Variants in ADAM10 observed in about 807,000 individuals in gnomAD.
The protein encoded by ADAM10 is ADAM metallopeptidase domain 10, also known as disintegrin and metalloproteinase domain-containing protein 10.
A neutral mutation model predicts 90.1 loss-of-function variants in ADAM10; 17 were observed. The observed-to-expected ratio is 0.19, with a 90% confidence interval of 0.13 to 0.28. The LOEUF (loss-of-function observed/expected upper bound fraction) is 0.28, where lower values mean the gene tolerates loss of function less well. Among genes scored for constraint, ADAM10 ranks in the 10% least tolerant of loss-of-function variants. The probability of loss-of-function intolerance (pLI) is 1.00; values close to 1 mark genes in which losing one functional copy is unlikely to be tolerated. For missense variants in ADAM10, 610 were observed against 914.3 expected, an observed-to-expected ratio of 0.67 and a Z score of 4.29; for synonymous variants, 310 against 298.6, an observed-to-expected ratio of 1.04 and a Z score of -0.40.
intron 1 of ADAM10, among the ~76,000 whole-genome samples, chr15:58,734,219 G>A (rs1346797540): frequency 2.6e-5 from 4 of 152,088 alleles, no homozygotes; most frequent in African/African-American, 7.2e-5. Context: ...TGGATGTCAT[G>A]ATAATTAAAA....
Position 58,749,500 on chromosome 15 carries a change from G to T in ADAM10, c.35C>A (p.Ser12Tyr), listed in dbSNP as rs1288831395. The T allele has an allele frequency of 3.2e-6, 5 of 1,553,898 alleles. No individual in the cohort carries two copies. The highest frequency in any genetic ancestry group is 4.4e-6 in the Non-Finnish European group (5 of 1,148,688). Residue 12 changes from serine to tyrosine, a missense_variant, in exon 1 of 16, where the codon TCC (serine) becomes TAC (tyrosine). Coordinates refer to ENST00000260408, the MANE Select transcript of ADAM10 (RefSeq NM_001110.4). ...CTCACCTCCCATCCCCGCCGCCCAGGAGAGGAGCAGAATTAACACTCTCAG... is the reference window on the plus strand; with the variant it reads ...CTCACCTCCCATCCCCGCCGCCCAGTAGAGGAGCAGAATTAACACTCTCAG... ...VLLRVLILLL[S>Y]WAAGMGGQYG...
chr15:58,709,339 T>A (rs573711502), intron 2 of ADAM10, among the ~76,000 whole-genome samples: 1 of 152,306 alleles, frequency 6.6e-6, no homozygotes, highest in African/African-American at 2.4e-5. Context: ...TAGCATGAAA[T>A]ATAACATAAT....
intron 4 of ADAM10, chr15:58,672,863 TAAG>T (rs555789221): frequency 2.2e-3 from 219 of 99,594 alleles, no homozygotes; most frequent in Non-Finnish European, 3.9e-3. Flanking sequence ...AAGTTGAAAA[TAAG>T]AAGGAAAAGG....
chr15:58,715,778 G>A (rs1046655235), intron 2 of ADAM10, among the ~76,000 whole-genome samples: 4 of 152,144 alleles, frequency 2.6e-5, no homozygotes, highest in African/African-American at 7.2e-5. Flanking sequence ...AAAGGAGCTA[G>A]GGATTTAGTT....
At position 58,714,669 on chromosome 15, in the gene ADAM10, T is replaced by C. The variant is rs184572294; in HGVS notation, c.206+2908A>G. Among the ~76,000 whole-genome samples, 212 of 152,282 alleles carry C rather than the reference T, an allele frequency of 1.4e-3. 1 individual carries two copies. The highest frequency in any genetic ancestry group is 4.7e-3 in the African/African-American group (195 of 41,568). On this transcript the variant is annotated intron_variant, in intron 2 of 15. Coordinates refer to ENST00000260408, the MANE Select transcript of ADAM10 (RefSeq NM_001110.4). ...AGTCATTTCAAAGTTATATTTATTATGTGTTGAGCCAATCTACCTAAAAAT... is the reference window on the plus strand; with the variant it reads ...AGTCATTTCAAAGTTATATTTATTACGTGTTGAGCCAATCTACCTAAAAAT...
chr15:58,605,940 A>G (rs2069035103), intron 14 of ADAM10, among the ~76,000 whole-genome samples: 1 of 152,204 alleles, frequency 6.6e-6, no homozygotes, highest in South Asian at 2.1e-4. Context: ...TAACAAAATG[A>G]CAAAGCAAGT....
At chr15:58,631,498 C>G (rs1039602466) in intron 9 of ADAM10, among the ~76,000 whole-genome samples, 1 of 152,116 alleles carries the variant, frequency 6.6e-6, no homozygotes, top group Non-Finnish European at 1.5e-5. Flanking sequence ...CAGTGTGGTT[C>G]ACAGATGAGC....
intron 1 of ADAM10, chr15:58,749,153 C>G: frequency 2.5e-6 from 1 of 399,282 alleles, no homozygotes; most frequent in Non-Finnish European, 4.4e-6. Flanking sequence ...CAGCCACCAG[C>G]CTGGGTTCCA....
intron 2 of ADAM10, chr15:58,692,407 T>C: frequency 1.8e-6 from 1 of 564,732 alleles, no homozygotes; most frequent in Non-Finnish European, 3.6e-6. Flanking sequence ...CTTTGTTTTC[T>C]TCTTATTATT....
intron 8 of ADAM10, among the ~76,000 whole-genome samples, chr15:58,639,371 A>G (rs1377403602): frequency 6.6e-6 from 1 of 152,238 alleles, no homozygotes; most frequent in East Asian, 1.9e-4. Context: ...CAGCTACTGT[A>G]TTAATGGATA....
chr15:58,614,782 T>C (rs1344179682), intron 11 of ADAM10, among the ~76,000 whole-genome samples: 1 of 152,134 alleles, frequency 6.6e-6, no homozygotes, highest in East Asian at 1.9e-4. Flanking sequence ...ATAATCACCA[T>C]TGTGAAAACA....
chr15:58,649,908 A>G (rs1896644969), intron 5 of ADAM10, among the ~76,000 whole-genome samples: 1 of 152,112 alleles, frequency 6.6e-6, no homozygotes, highest in Non-Finnish European at 1.5e-5. Flanking sequence ...CAATTACATA[A>G]TACATATATC....
chr15:58,606,514 T>C (rs2140993817), intron 14 of ADAM10, among the ~76,000 whole-genome samples: 1 of 152,366 alleles, frequency 6.6e-6, no homozygotes, highest in African/African-American at 2.4e-5. Context: ...GTGTCCTCAC[T>C]ATATGCTGAA....
chr15:58,623,838 C>A (rs907764129), intron 10 of ADAM10, among the ~76,000 whole-genome samples: 3 of 152,018 alleles, frequency 2.0e-5, no homozygotes, highest in African/African-American at 2.4e-5. Flanking sequence ...GGGGAGGGAG[C>A]GCATTAGGAC....
At chr15:58,602,227 C>A (rs1004248605) in intron 14 of ADAM10, among the ~76,000 whole-genome samples, 1 of 152,106 alleles carries the variant, frequency 6.6e-6, no homozygotes, top group South Asian at 2.1e-4. Flanking sequence ...TTCTTACTTT[C>A]TGGCCCAACA....
At chr15:58,688,039 C>T (rs1192083167) in intron 2 of ADAM10, among the ~76,000 whole-genome samples, 1 of 152,124 alleles carries the variant, frequency 6.6e-6, no homozygotes, top group Non-Finnish European at 1.5e-5. Flanking sequence ...CAGGCACACA[C>T]ACATGCACGT....
At chr15:58,748,325 A>G (rs1223246149) in intron 1 of ADAM10, 1 of 152,248 alleles carries the variant, frequency 6.6e-6, no homozygotes, top group Non-Finnish European at 1.5e-5. Flanking sequence ...TATTTTCTAA[A>G]TTATCAAAGG....
At chr15:58,690,411 A>G (rs1897745817) in intron 2 of ADAM10, among the ~76,000 whole-genome samples, 1 of 152,220 alleles carries the variant, frequency 6.6e-6, no homozygotes. Context: ...GCCAAGAAAA[A>G]TAATCCTCTT....
Position 58,717,724 on chromosome 15 carries a change from T to A in ADAM10, c.59A>T (p.Gln20Leu), listed in dbSNP as rs753959279. The part of the protein sequence containing the change: ...LLSWAAGMGG[Q>L]YGNPLNKYIR... ...ATATTTATTTAAAGGATTCCCATAC[T>A]GACCTATAAAAAAAAAACAACATTC... is the stretch of plus-strand genomic sequence containing the variant. The change falls in exon 2 of 16, where the codon CAG becomes CTG. Residue 20 changes from glutamine to leucine, a missense_variant. Gln to Leu is a moderately radical substitution (Grantham distance 113, BLOSUM62 -2). Transcript: ENST00000260408. 6.2e-7 allele frequency: 1 copy of A among 1,611,234 alleles called. No homozygotes were observed. The highest frequency in any genetic ancestry group is 1.3e-5 in the African/African-American group (1 of 74,860).
Sources: allele counts gnomAD v4.1 joint callset (sites outside exome capture counted in the v4.1 genomes callset), GRCh38; gene constraint gnomAD v4.1.1; transcripts MANE v1.5; gene names NCBI Gene and HGNC (gene_info 2026-07-23, HGNC 2026-07-21).